The following PROS1 variants were observed in gnomAD, a reference collection of about 807,000 sequenced individuals.
PROS1 encodes vitamin K-dependent protein S.
Under a neutral mutation model 75.9 loss-of-function variants are expected in PROS1, and 29 were observed. That is an observed-to-expected ratio of 0.38 (90% CI 0.28 to 0.52). The LOEUF (loss-of-function observed/expected upper bound fraction) is 0.52. Ranked by LOEUF, PROS1 falls within the 20% of genes least tolerant of loss-of-function variation. PROS1 has a pLI of 0.83. For synonymous variants in PROS1, 245 were observed against 280.6 expected (o/e 0.87, Z 1.27); for missense variants, 680 against 810.3 (o/e 0.84, Z 1.95).
chr3:93,952,835 G>A (rs1203447605), intron 1 of PROS1, among the ~76,000 whole-genome samples: 2 of 152,112 alleles, frequency 1.3e-5, no homozygotes, highest in African/African-American at 4.8e-5. Context: ...CCACTAGTGA[G>A]ACTAATAAAG....
At chr3:93,885,405 T>C (rs984282644) in intron 11 of PROS1, among the ~76,000 whole-genome samples, 1 of 152,188 alleles carries the variant, frequency 6.6e-6, no homozygotes, top group Non-Finnish European at 1.5e-5. Flanking sequence ...TTTGTACTTT[T>C]AGTAGAGATG....
chr3:93,894,034 C>T (rs188748283), intron 9 of PROS1, among the ~76,000 whole-genome samples: 8 of 152,046 alleles, frequency 5.3e-5, no homozygotes, highest in African/African-American at 1.4e-4. Context: ...ACATGATTGA[C>T]GAAAGACAAA....
rs761465753 is a variant in PROS1 at position 93,941,577 on chromosome 3, G to A, written c.77-14170C>T. 5.1e-4 allele frequency among the ~76,000 whole-genome samples: 78 copies of A among 152,194 alleles called. 1 individual carries two copies. Among genetic ancestry groups the A allele is most frequent in the Middle Eastern group, 3.4e-3 (1 of 294 alleles). On this transcript the variant is annotated intron_variant, in intron 1 of 14. Transcript: ENST00000394236. ...AAATCCTTTGCCCACTCCTCTTTCC[G>A]TTCCTTGAAGACAGCTTTAGAGACT...
chr3:93,920,294 G>A (rs1282227872), intron 3 of PROS1, among the ~76,000 whole-genome samples: 1 of 152,024 alleles, frequency 6.6e-6, no homozygotes, highest in African/African-American at 2.4e-5. Context: ...TCACTGTATA[G>A]TATCACTCAA....
At chr3:93,947,271 C>T (rs982266704) in intron 1 of PROS1, among the ~76,000 whole-genome samples, 1 of 152,180 alleles carries the variant, frequency 6.6e-6, no homozygotes, top group Non-Finnish European at 1.5e-5. Flanking sequence ...GGCAATTTCT[C>T]AAGGATCTGG....
At position 93,884,783 on chromosome 3, in the gene PROS1, C is replaced by T; in HGVS notation, c.1437G>A (p.Val479=). The change falls in exon 12 of 15, where the codon GTG becomes GTA. Residue 479 remains valine, a synonymous_variant. Coordinates refer to ENST00000394236, the MANE Select transcript of PROS1 (RefSeq NM_000313.4). ...EKQNKHCLVT[V]EKGSYYPGSG... is the part of the protein sequence containing the mutation. ...AACCAGGATAGTAGGAGCCCTTCTCCACAGTAACCAGGCAATGCTTATTTT... is the reference window on the plus strand; with the variant it reads ...AACCAGGATAGTAGGAGCCCTTCTCTACAGTAACCAGGCAATGCTTATTTT... The T allele has an allele frequency of 6.2e-7, 1 of 1,613,910 alleles. No homozygotes were observed. Among genetic ancestry groups the T allele is most frequent in the South Asian group, 1.1e-5 (1 of 91,048 alleles).
At chr3:93,955,691 G>A (rs532612259) in intron 1 of PROS1, among the ~76,000 whole-genome samples, 14 of 151,116 alleles carry the variant, frequency 9.3e-5, no homozygotes, top group East Asian at 5.8e-4. Context: ...AAACCTGCAC[G>A]TTGTGTACAT....
intron 12 of PROS1, among the ~76,000 whole-genome samples, chr3:93,880,737 G>A (rs1007755892): frequency 6.6e-6 from 1 of 151,964 alleles, no homozygotes; most frequent in Non-Finnish European, 1.5e-5. Context: ...ATGTATAGAA[G>A]TTAAAATGTA....
intron 14 of PROS1, among the ~76,000 whole-genome samples, chr3:93,876,568 GAC>G (rs1330064990): frequency 9.2e-6 from 1 of 109,208 alleles, no homozygotes; most frequent in African/African-American, 3.7e-5. Context: ...CAGCCTGGGC[GAC>G]AGAGCCAGAC....
At chr3:93,941,498 AC>A (rs1326660032) in intron 1 of PROS1, among the ~76,000 whole-genome samples, 1 of 152,162 alleles carries the variant, frequency 6.6e-6, no homozygotes, top group Non-Finnish European at 1.5e-5. Flanking sequence ...TGCCATCCTA[AC>A]AAAACCATCA....
chr3:93,945,234 G>C (rs1310459384), intron 1 of PROS1, among the ~76,000 whole-genome samples: 1 of 152,162 alleles, frequency 6.6e-6, no homozygotes, highest in Non-Finnish European at 1.5e-5. Flanking sequence ...GATACAAACA[G>C]GAACTGGTAC....
intron 3 of PROS1, among the ~76,000 whole-genome samples, chr3:93,920,168 CA>C (rs1321038296): frequency 6.6e-6 from 1 of 152,040 alleles, no homozygotes; most frequent in Non-Finnish European, 1.5e-5. Context: ...GAAGCCCTGG[CA>C]GGAGGACTGC....
At chr3:93,964,336 T>C (rs2107265126) in intron 1 of PROS1, among the ~76,000 whole-genome samples, 1 of 152,290 alleles carries the variant, frequency 6.6e-6, no homozygotes, top group African/African-American at 2.4e-5. Context: ...TGCTAAATTC[T>C]TTTCCTAGCA....
chr3:93,940,957 C>A (rs1709276430), intron 1 of PROS1, among the ~76,000 whole-genome samples: 1 of 152,160 alleles, frequency 6.6e-6, no homozygotes, highest in Non-Finnish European at 1.5e-5. Flanking sequence ...AACCCGTACA[C>A]TCTTTTGCCC....
intron 6 of PROS1, among the ~76,000 whole-genome samples, chr3:93,903,986 C>T (rs1708635733): frequency 1.5e-5 from 2 of 130,670 alleles, no homozygotes; most frequent in Admixed American, 9.2e-5. Flanking sequence ...CTACAACAGT[C>T]CCCAGAGTGT....
At chr3:93,917,392 T>C (rs1374903728) in intron 3 of PROS1, among the ~76,000 whole-genome samples, 3 of 152,182 alleles carry the variant, frequency 2.0e-5, no homozygotes, top group Non-Finnish European at 4.4e-5. Context: ...CTCCACCTCC[T>C]GGGTTCAAGT....
At chr3:93,968,675 T>G (rs1230390150) in intron 1 of PROS1, among the ~76,000 whole-genome samples, 1 of 152,154 alleles carries the variant, frequency 6.6e-6, no homozygotes, top group Non-Finnish European at 1.5e-5. Flanking sequence ...TATTTTCCAC[T>G]GAATTATAAG....
At chr3:93,885,519 C>A (rs1231303387) in intron 11 of PROS1, among the ~76,000 whole-genome samples, 1 of 152,172 alleles carries the variant, frequency 6.6e-6, no homozygotes, top group Non-Finnish European at 1.5e-5. Flanking sequence ...AACCACCACG[C>A]CTGGCCTTGT....
intron 4 of PROS1, among the ~76,000 whole-genome samples, chr3:93,907,356 C>A (rs1708691287): frequency 6.6e-6 from 1 of 152,196 alleles, no homozygotes; most frequent in African/African-American, 2.4e-5. Context: ...AGAAGAACCA[C>A]TGTCTCCAGG....
Sources: gnomAD v4.1 joint callset for allele counts (sites outside exome capture counted in the v4.1 genomes callset) on GRCh38, gnomAD v4.1.1 for gene constraint, MANE v1.5 for transcripts, NCBI Gene and HGNC (gene_info 2026-07-23, HGNC 2026-07-21) for gene names.